The following EHBP1 variants were observed in gnomAD, a reference collection of about 807,000 sequenced individuals.
The protein encoded by EHBP1 is EH domain binding protein 1.
Under a neutral mutation model 144.0 loss-of-function variants are expected in EHBP1, and 55 were observed. The ratio of observed to expected loss-of-function variants is 0.38; its 90% confidence interval spans 0.31 to 0.48. EHBP1 has a LOEUF of 0.48. Ranked by LOEUF, EHBP1 falls within the 20% of genes least tolerant of loss-of-function variation. The pLI is 0.98. For missense variants in EHBP1, 1,200 were observed against 1,364.2 expected (o/e 0.88, Z 1.90); for synonymous variants, 469 against 472.7 (o/e 0.99, Z 0.10).
In EHBP1 at chr2:62,985,152, A is replaced by G. The variant is rs369962279; in HGVS notation, c.2609-5564A>G. 4.9e-4 allele frequency among the ~76,000 whole-genome samples: 75 copies of G among 152,210 alleles called. 1 individual carries two copies. Among genetic ancestry groups the G allele is most frequent in the African/African-American group, 1.6e-3 (66 of 41,548 alleles). ...TCTCCATAGTGCTTGCCTGGGGGTT[A>G]TAACAGTCTCCAACCTGCATTTATT... On this transcript the variant is annotated intron_variant, in intron 15 of 22. Coordinates refer to ENST00000431489, the MANE Select transcript of EHBP1 (RefSeq NM_001142616.3).
chr2:62,981,553 T>C (rs962877280), intron 15 of EHBP1, among the ~76,000 whole-genome samples: 16 of 152,204 alleles, frequency 1.1e-4, no homozygotes. Context: ...CTATTAATGA[T>C]ATGGGATGTG....
chr2:62,803,105 C>T (rs1024570556), intron 5 of EHBP1, among the ~76,000 whole-genome samples: 1 of 152,082 alleles, frequency 6.6e-6, no homozygotes, highest in Non-Finnish European at 1.5e-5. Context: ...GTGAGTGCCA[C>T]GTTAGAGTAC....
chr2:62,842,573 A>G (rs957896559), intron 7 of EHBP1, among the ~76,000 whole-genome samples: 3 of 152,180 alleles, frequency 2.0e-5, no homozygotes, highest in Non-Finnish European at 4.4e-5. Context: ...TTCACTTGTC[A>G]CATAGTCTGA....
intron 10 of EHBP1, among the ~76,000 whole-genome samples, chr2:62,914,820 A>G (rs963504618): frequency 3.3e-5 from 5 of 152,050 alleles, no homozygotes; most frequent in Non-Finnish European, 7.4e-5. Flanking sequence ...TTAGGTTGAA[A>G]AGGAATGCCC....
chr2:62,837,727 T>C (rs1288977706), intron 7 of EHBP1, among the ~76,000 whole-genome samples: 2 of 150,272 alleles, frequency 1.3e-5, no homozygotes, highest in Admixed American at 1.3e-4. Flanking sequence ...CCAACAAAGA[T>C]CAAAAGAGAC....
At chr2:62,888,740 G>C (rs948121889) in intron 10 of EHBP1, among the ~76,000 whole-genome samples, 3 of 152,148 alleles carry the variant, frequency 2.0e-5, no homozygotes, top group Non-Finnish European at 4.4e-5. Flanking sequence ...TATTACTGAT[G>C]ATAAATGTGA....
intron 10 of EHBP1, among the ~76,000 whole-genome samples, chr2:62,910,433 C>T (rs754000388): frequency 1.3e-5 from 2 of 152,130 alleles, no homozygotes; most frequent in Non-Finnish European, 2.9e-5. Context: ...GGTTTTATGA[C>T]TTAAACCATC....
intron 3 of EHBP1, among the ~76,000 whole-genome samples, chr2:62,762,525 A>G (rs1381416148): frequency 2.0e-5 from 3 of 152,160 alleles, no homozygotes; most frequent in Non-Finnish European, 4.4e-5. Flanking sequence ...TTATTTCCCA[A>G]ATCTGTCCTT....
chr2:63,020,980 A>ATTTT lies in EHBP1; in HGVS notation c.3104-16532_3104-16529dup, dbSNP rs761382729. Among the ~76,000 whole-genome samples, 45 of 68,576 alleles carry ATTTT rather than the reference A, an allele frequency of 6.6e-4. 5 individuals are homozygous for ATTTT. Among genetic ancestry groups the ATTTT allele is most frequent in the African/African-American group, 1.6e-3 (26 of 16,328 alleles). The allele number at this position is 68,576 out of a possible 152,430, so 45.0% of individuals were successfully genotyped here. A position where few individuals can be genotyped will look rare whatever the true frequency, so the allele number is the denominator to read the frequency against. ...GGTATGAGCCACCGTGCCTGGCCTC[A>ATTTT]TTTTTTTTTTTTTTTTTTTTTTTTT... On this transcript the variant is annotated intron_variant, in intron 19 of 22. Transcript: ENST00000431489.
intron 10 of EHBP1, among the ~76,000 whole-genome samples, chr2:62,901,938 C>A (rs1350104501): frequency 6.6e-6 from 1 of 151,330 alleles, no homozygotes; most frequent in East Asian, 1.9e-4. Flanking sequence ...GCACTCCAGC[C>A]TGAGTGACAG....
intron 14 of EHBP1, among the ~76,000 whole-genome samples, chr2:62,963,802 T>G (rs75771253): frequency 6.6e-6 from 1 of 152,230 alleles, no homozygotes; most frequent in South Asian, 2.1e-4. Context: ...TAGGAATTTT[T>G]ATTCTCCTAT....
chr2:63,025,159 G>A (rs1013306158), intron 19 of EHBP1, among the ~76,000 whole-genome samples: 9 of 152,208 alleles, frequency 5.9e-5, no homozygotes, highest in Non-Finnish European at 1.0e-4. Context: ...AATTATTAGT[G>A]TAGATTAGGT....
chr2:62,780,919 G>A (rs112794214), intron 5 of EHBP1, among the ~76,000 whole-genome samples: 4 of 150,740 alleles, frequency 2.7e-5, no homozygotes, highest in African/African-American at 7.4e-5. Flanking sequence ...GAGATTATTC[G>A]TCTTTATTGA....
At chr2:62,765,401 A>G (rs906670414) in intron 4 of EHBP1, among the ~76,000 whole-genome samples, 3 of 152,148 alleles carry the variant, frequency 2.0e-5, no homozygotes, top group African/African-American at 7.2e-5. Context: ...GTGCTGTTAA[A>G]TATTTATTAA....
intron 7 of EHBP1, chr2:62,858,356 T>C: frequency 7.8e-7 from 1 of 1,278,956 alleles, no homozygotes; most frequent in Non-Finnish European, 1.1e-6. Flanking sequence ...TACTTCTCTT[T>C]AATTAAATGA....
chr2:62,701,230 A>C (rs2034272485), upstream of EHBP1, among the ~76,000 whole-genome samples: 1 of 152,240 alleles, frequency 6.6e-6, no homozygotes, highest in Non-Finnish European at 1.5e-5. Context: ...GCTGCATTAA[A>C]AAAGAGTAAA....
At chr2:62,962,392 G>A (rs1390855490) in intron 14 of EHBP1, among the ~76,000 whole-genome samples, 1 of 152,134 alleles carries the variant, frequency 6.6e-6, no homozygotes, top group East Asian at 1.9e-4. Flanking sequence ...ATTTTGCATT[G>A]GAATATAATT....
At chr2:62,817,255 T>C (rs1258077673) in intron 5 of EHBP1, among the ~76,000 whole-genome samples, 3 of 151,952 alleles carry the variant, frequency 2.0e-5, no homozygotes, top group African/African-American at 7.3e-5. Context: ...GGGAGTGTGG[T>C]TGAAATTTTA....
intron 6 of EHBP1, among the ~76,000 whole-genome samples, chr2:62,829,730 A>G (rs1164892800): frequency 6.8e-6 from 1 of 147,082 alleles, no homozygotes; most frequent in African/African-American, 2.5e-5. Flanking sequence ...TAATATTTAT[A>G]ATTATTTATA....
Sources: allele counts gnomAD v4.1 joint callset (sites outside exome capture counted in the v4.1 genomes callset), GRCh38; gene constraint gnomAD v4.1.1; transcripts MANE v1.5; gene names NCBI Gene and HGNC (gene_info 2026-07-23, HGNC 2026-07-21).